Variants in LRRIQ3 observed in about 807,000 individuals in gnomAD.
The protein encoded by LRRIQ3 is leucine-rich repeat and IQ domain-containing protein 3.
LRRIQ3 carries 75 observed loss-of-function variants against 59.3 expected under a neutral mutation model. That is an observed-to-expected ratio of 1.26 (90% CI 1.05 to 1.53). The LOEUF is 1.53. Ranked by LOEUF, LRRIQ3 falls within the 40% of genes most tolerant of loss-of-function variation. The pLI, the probability that LRRIQ3 is intolerant of heterozygous loss-of-function variation, is 0.00. For missense variants in LRRIQ3, 831 were observed against 710.0 expected, an observed-to-expected ratio of 1.17 and a Z score of -1.94; for synonymous variants, 250 against 231.3, an observed-to-expected ratio of 1.08 and a Z score of -0.73.
rs758271875 is a variant in LRRIQ3, at chr1:74,127,132, T to C, written c.708-17579A>G. ...CTTCTTTGCCTCCGTTTATAGTTTT[T>C]GTATTGAAATGTATCATGTCTGGTA... On this transcript the variant is annotated intron_variant, in intron 4 of 7. Coordinates refer to ENST00000354431, the MANE Select transcript of LRRIQ3 (RefSeq NM_001105659.2). Among the ~76,000 whole-genome samples the C allele has an allele frequency of 1.2e-4, 18 of 152,108 alleles. 1 individual carries two copies. The highest frequency in any genetic ancestry group is 2.6e-4 in the Admixed American group (4 of 15,242).
chr1:74,153,116 C>T (rs936302644), intron 4 of LRRIQ3, among the ~76,000 whole-genome samples: 2 of 152,004 alleles, frequency 1.3e-5, no homozygotes, highest in Non-Finnish European at 2.9e-5. Flanking sequence ...TTTTTTACAA[C>T]CCATCAAGAC....
At chr1:74,094,361 A>G (rs1265669413) in intron 5 of LRRIQ3, among the ~76,000 whole-genome samples, 6 of 152,014 alleles carry the variant, frequency 3.9e-5, no homozygotes, top group Admixed American at 1.3e-4. Context: ...ATAAAATAAT[A>G]GGGGTCTTTG....
At chr1:74,059,806 T>A (rs1203108487) in intron 6 of LRRIQ3, among the ~76,000 whole-genome samples, 1 of 152,106 alleles carries the variant, frequency 6.6e-6, no homozygotes, top group Non-Finnish European at 1.5e-5. Flanking sequence ...ATCTTAATTT[T>A]AAGTCACCCA....
intron 3 of LRRIQ3, among the ~76,000 whole-genome samples, chr1:74,157,251 C>T (rs975124054): frequency 6.6e-6 from 1 of 151,958 alleles, no homozygotes; most frequent in Non-Finnish European, 1.5e-5. Context: ...TGAACTCCAT[C>T]AATTAACTCC....
intron 6 of LRRIQ3, among the ~76,000 whole-genome samples, chr1:74,070,041 T>A (rs1340473): frequency 0.32 from 48,966 of 151,920 alleles, 8,405 homozygotes; most frequent in Middle Eastern, 0.45. Context: ...GTAAATTAGT[T>A]CACCCACTAT....
intron 4 of LRRIQ3, among the ~76,000 whole-genome samples, chr1:74,119,240 C>G (rs137883663): frequency 2.5e-4 from 38 of 151,670 alleles, no homozygotes; most frequent in African/African-American, 8.7e-4. Context: ...AATTTTTTTT[C>G]AAATTAGGGA....
intron 1 of LRRIQ3, among the ~76,000 whole-genome samples, chr1:74,189,313 G>C (rs1650605631): frequency 1.3e-5 from 2 of 152,216 alleles, no homozygotes; most frequent in South Asian, 4.1e-4. Flanking sequence ...CGTCTCCTCA[G>C]CCACATTCTA....
At chr1:74,170,285 C>T (rs1431512444) in intron 3 of LRRIQ3, among the ~76,000 whole-genome samples, 1 of 152,052 alleles carries the variant, frequency 6.6e-6, no homozygotes, top group African/African-American at 2.4e-5. Flanking sequence ...CCCCTTTTTC[C>T]TTCTAGAAGT....
intron 4 of LRRIQ3, among the ~76,000 whole-genome samples, chr1:74,146,919 TA>T (rs1208870396): frequency 7.2e-5 from 11 of 152,306 alleles, no homozygotes; most frequent in African/African-American, 2.6e-4. Context: ...ATAAATAAAA[TA>T]GTCTTTATAA....
chr1:74,107,921 G>A (rs1646636807), intron 5 of LRRIQ3, among the ~76,000 whole-genome samples: 1 of 151,124 alleles, frequency 6.6e-6, no homozygotes, highest in Non-Finnish European at 1.5e-5. Flanking sequence ...AAAATACAAG[G>A]GAGATTTCAA....
intron 1 of LRRIQ3, among the ~76,000 whole-genome samples, chr1:74,197,614 G>T (rs1018090609): frequency 6.6e-6 from 1 of 152,134 alleles, no homozygotes; most frequent in African/African-American, 2.4e-5. Context: ...GCCTGGTTGC[G>T]GACTGAATTT....
At chr1:74,032,544 T>C (rs1653750359) in intron 7 of LRRIQ3, among the ~76,000 whole-genome samples, 1 of 152,106 alleles carries the variant, frequency 6.6e-6, no homozygotes. Context: ...CCTCTATTTT[T>C]AAGTCAGCAA....
chr1:74,136,317 A>G (rs1647123210), intron 4 of LRRIQ3, among the ~76,000 whole-genome samples: 1 of 151,946 alleles, frequency 6.6e-6, no homozygotes, highest in Admixed American at 6.6e-5. Flanking sequence ...GATAGAAATA[A>G]TACCAATCTT....
At chr1:74,031,067 A>G (rs1653694449) in intron 7 of LRRIQ3, among the ~76,000 whole-genome samples, 2 of 152,222 alleles carry the variant, frequency 1.3e-5, no homozygotes, top group Non-Finnish European at 2.9e-5. Context: ...GTGAGATATC[A>G]TCTCACACCA....
chr1:74,112,905 T>C (rs1188638668), intron 4 of LRRIQ3, among the ~76,000 whole-genome samples: 1 of 151,972 alleles, frequency 6.6e-6, no homozygotes, highest in Non-Finnish European at 1.5e-5. Context: ...TTAAACAAAA[T>C]GTTATTAGGC....
chr1:74,077,503 A>C (rs1262300368), intron 5 of LRRIQ3, among the ~76,000 whole-genome samples: 1 of 151,940 alleles, frequency 6.6e-6, no homozygotes, highest in Non-Finnish European at 1.5e-5. Context: ...ACTCTATCAC[A>C]AATACAGTTA....
intron 7 of LRRIQ3, among the ~76,000 whole-genome samples, chr1:74,027,934 A>G (rs1197868169): frequency 6.6e-6 from 1 of 152,104 alleles, no homozygotes; most frequent in Non-Finnish European, 1.5e-5. Flanking sequence ...AACTTGGTAA[A>G]TATAAACTAA....
chr1:74,186,656 T>C (rs921302869), intron 1 of LRRIQ3, among the ~76,000 whole-genome samples: 12 of 152,130 alleles, frequency 7.9e-5, no homozygotes, highest in African/African-American at 2.2e-4. Context: ...AAATAAGACA[T>C]AGAGTTTGAG....
At chr1:74,032,756 T>C (rs1653755879) in intron 7 of LRRIQ3, among the ~76,000 whole-genome samples, 1 of 152,000 alleles carries the variant, frequency 6.6e-6, no homozygotes, top group African/African-American at 2.4e-5. Context: ...ATCATATTCA[T>C]AGTCCTGGGA....
Sources: gnomAD v4.1 joint callset for allele counts (sites outside exome capture counted in the v4.1 genomes callset) on GRCh38, gnomAD v4.1.1 for gene constraint, MANE v1.5 for transcripts, NCBI Gene and HGNC (gene_info 2026-07-23, HGNC 2026-07-21) for gene names.